The following BDP1 variants were observed in gnomAD, a reference collection of about 807,000 sequenced individuals.
BDP1 encodes transcription factor TFIIIB component B'' homolog.
A neutral mutation model predicts 266.6 loss-of-function variants in BDP1; 169 were observed. That is an observed-to-expected ratio of 0.63 (90% CI 0.56 to 0.72). The LOEUF is 0.72. BDP1 is among the 30% of genes least tolerant of loss of function. The pLI, the probability that BDP1 is intolerant of heterozygous loss-of-function variation, is 0.00. For missense variants in BDP1, 3,015 were observed against 3,053.8 expected (o/e 0.99, Z 0.30); for synonymous variants, 1,090 against 1,022.4 (o/e 1.07, Z -1.26).
intron 32 of BDP1, chr5:71,545,554 C>T (rs752216320): frequency 2.4e-4 from 64 of 266,400 alleles, no homozygotes; most frequent in South Asian, 1.6e-4. Context: ...TGGTCTTGAA[C>T]GCCTGGCTTC....
Position 71,532,393 on chromosome 5 carries a change from A to G in BDP1, c.5858A>G (p.Glu1953Gly), listed in dbSNP as rs1766299406. The change falls in exon 26 of 39, where the codon GAA becomes GGA. Residue 1953 changes from glutamate to glycine, a missense_variant. Transcript: ENST00000358731. ...CCAAACACAGATGTGACTACTGAAG[A>G]AATGAAACAAGAAGAAAATTTGAGT... ...ELPNTDVTTE[E>G]MKQEENLSVP... is the part of the protein sequence containing the mutation. The G allele has an allele frequency of 1.2e-6, 2 of 1,613,604 alleles. No homozygotes were observed. The highest frequency in any genetic ancestry group is 8.5e-7 in the Non-Finnish European group (1 of 1,179,758).
intron 13 of BDP1, among the ~76,000 whole-genome samples, chr5:71,498,683 C>G (rs1174203424): frequency 6.6e-6 from 1 of 150,934 alleles, no homozygotes; most frequent in Non-Finnish European, 1.5e-5. Context: ...CTCAGCCTCC[C>G]AAAGTGCTGG....
At chr5:71,463,547 C>T (rs574508790) in intron 3 of BDP1, among the ~76,000 whole-genome samples, 3 of 152,134 alleles carry the variant, frequency 2.0e-5, no homozygotes, top group East Asian at 3.9e-4. Context: ...CTCTGTTGGG[C>T]GTGGTGGCTC....
chr5:71,510,683 G>C lies in BDP1; in HGVS notation c.3591G>C (p.Glu1197Asp). The change falls in exon 17 of 39, where the codon GAG becomes GAC. Residue 1197 changes from glutamate (E) to aspartate (D), a missense_variant. Glu to Asp is a conservative substitution (Grantham distance 45, BLOSUM62 2). This residue lies in a region of BDP1 where 2,383 missense variants were observed against 2,404.9 expected (regional missense o/e 0.99). Transcript: ENST00000358731. ...REVIDAAEVI[E>D]TDLEETEREI... ...TGATTGATGCTGCTGAGGTAATAGA[G>C]ACAGATTTGGAAGAAACTGAAAGAG... 1 of 1,612,556 alleles carries C rather than the reference G, an allele frequency of 6.2e-7. No homozygotes were observed. The highest frequency in any genetic ancestry group is 8.5e-7 in the Non-Finnish European group (1 of 1,179,654).
chr5:71,479,333 A>C (rs898088668), intron 7 of BDP1, among the ~76,000 whole-genome samples: 29 of 151,242 alleles, frequency 1.9e-4, no homozygotes, highest in Non-Finnish European at 3.2e-4. Flanking sequence ...GAGCCACTGC[A>C]CCTGGCCTCC....
At chr5:71,483,928 A>T in intron 8 of BDP1, 32 bp downstream of exon 8, 1 of 1,523,990 alleles carries the variant, frequency 6.6e-7, no homozygotes, top group South Asian at 1.2e-5. Flanking sequence ...ACAAAGTATT[A>T]CTTGAAGAGC....
chr5:71,486,492 C>T lies in BDP1; in HGVS notation c.1078C>T (p.Arg360Cys), dbSNP rs200036481. 1,476 of 1,537,218 alleles carry T rather than the reference C, an allele frequency of 9.6e-4. 2 individuals are homozygous for T. The highest frequency in any genetic ancestry group is 1.2e-3 in the Non-Finnish European group (1,378 of 1,155,614). The change falls in exon 9 of 39, where the codon CGC becomes TGC. Residue 360 changes from arginine to cysteine, a missense_variant. Physicochemically the swap from Arg to Cys is radical, Grantham distance 180. Transcript: ENST00000358731. ...WRIDKAFQEK[R>C]PFDFDFFAHL... ...TCCTTTTCTTTAAACAGAGGAAAAG[C>T]GCCCTTTTGACTTCGATTTTTTTGC...
At chr5:71,573,467 C>T in the BDP1 span, among the ~76,000 whole-genome samples, 1 of 152,254 alleles carries the variant, frequency 6.6e-6, no homozygotes, top group East Asian at 1.9e-4. Context: ...CATTCATGAA[C>T]ACACTCGACT....
Position 71,504,452 on chromosome 5 carries a change from A to T in BDP1, c.2242-169A>T, listed in dbSNP as rs3761965. 0.42 allele frequency among the ~76,000 whole-genome samples: 63,762 copies of T among 151,960 alleles called. 13,729 individuals are homozygous for T. Among genetic ancestry groups the T allele is most frequent in the South Asian group, 0.47 (2,285 of 4,818 alleles). On this transcript the variant is annotated intron_variant, in intron 15 of 38. Transcript: ENST00000358731. ...TGAGATATCCTAAAAGGAGTAACTCATGAAATTTTCTAAGATAGCTAAAGA... is the reference window on the plus strand; with the variant it reads ...TGAGATATCCTAAAAGGAGTAACTCTTGAAATTTTCTAAGATAGCTAAAGA...
At chr5:71,461,963 T>TG in intron 3 of BDP1, 37 bp downstream of exon 3, 1 of 1,060,606 alleles carries the variant, frequency 9.4e-7, no homozygotes, top group Non-Finnish European at 1.4e-6. Context: ...TATCTCTTTT[T>TG]TTTTTTTTTT....
rs774625815 is a variant in BDP1 at position 71,467,358 on chromosome 5, A to G, written c.790A>G (p.Thr264Ala). The change falls in exon 6 of 39, where the codon ACT becomes GCT. Residue 264 changes from threonine to alanine, a missense_variant. Coordinates refer to ENST00000358731, the MANE Select transcript of BDP1 (RefSeq NM_018429.3). ...TTAAAAATGTGTTTATTTCAGTTTA[A>G]CTGTAGAAGTTTTAAGAACAAAAGG... ...GSIILDEESL[T>A]VEVLRTKGPC... 1.3e-6 allele frequency: 2 copies of G among 1,598,924 alleles called. No individual in the cohort carries two copies. The highest frequency in any genetic ancestry group is 1.7e-6 in the Non-Finnish European group (2 of 1,171,406).
At chr5:71,475,763 T>TA (rs1762541168) in intron 7 of BDP1, 1 of 155,126 alleles carries the variant, frequency 6.4e-6, no homozygotes. Flanking sequence ...CCTCGCAGCT[T>TA]ACCTTTGCTC....
intron 8 of BDP1, among the ~76,000 whole-genome samples, chr5:71,484,535 A>G (rs757420126): frequency 2.0e-5 from 3 of 152,194 alleles, no homozygotes; most frequent in African/African-American, 7.2e-5. Context: ...GAGATACACT[A>G]GCATTTGAAT....
At chr5:71,573,846 T>A in the BDP1 span, among the ~76,000 whole-genome samples, 1 of 151,946 alleles carries the variant, frequency 6.6e-6, no homozygotes, top group East Asian at 1.9e-4. Flanking sequence ...GAAGAGGGAG[T>A]CCCAGTACAG....
intron 7 of BDP1, among the ~76,000 whole-genome samples, chr5:71,479,340 C>T (rs370052725): frequency 1.3e-5 from 2 of 151,930 alleles, no homozygotes; most frequent in East Asian, 3.9e-4. Flanking sequence ...TGCACCTGGC[C>T]TCCTCCTGGT....
chr5:71,459,692 G>A (rs1221088765), intron 2 of BDP1, among the ~76,000 whole-genome samples: 3 of 152,164 alleles, frequency 2.0e-5, no homozygotes, highest in African/African-American at 7.2e-5. Context: ...GCTGGCCCTG[G>A]AGTTAAATAC....
intron 7 of BDP1, among the ~76,000 whole-genome samples, chr5:71,480,306 T>TG (rs1762870649): frequency 8.8e-5 from 9 of 102,048 alleles, no homozygotes; most frequent in African/African-American, 3.2e-4. Context: ...TTTTTTTTTT[T>TG]TGTATTTTTA....
rs1765214176 is a variant in BDP1, at chr5:71,516,244, T to C, written c.4833T>C (p.Asp1611=). The C allele has an allele frequency of 1.9e-6, 3 of 1,612,658 alleles. No individual in the cohort carries two copies. The highest frequency in any genetic ancestry group is 1.1e-5 in the South Asian group (1 of 90,840). Residue 1611 remains aspartate, a synonymous_variant, in exon 21 of 39, where the codon GAT becomes GAC. Transcript: ENST00000358731. ...AAGGAAGAACGATATTACCAAAAGA[T>C]GAAACTGAAAAGAAAGTCTTAACTG... ...IKEGRTILPK[D]ETEKKVLTVS... is the part of the protein sequence containing the mutation.
intron 4 of BDP1, 132 bp from the exon 5 acceptor site, chr5:71,465,964 G>C: frequency 2.1e-6 from 2 of 936,810 alleles, no homozygotes; most frequent in South Asian, 2.0e-5. Context: ...AACACATACT[G>C]TTTTCATTTG....
Sources: gnomAD v4.1 joint callset for allele counts (sites outside exome capture counted in the v4.1 genomes callset) on GRCh38, gnomAD v4.1.1 for gene constraint, gnomAD v4.1.1 regional missense constraint, MANE v1.5 for transcripts, NCBI Gene and HGNC (gene_info 2026-07-23, HGNC 2026-07-21) for gene names.